PTPRA: variants seen among roughly 807,000 people sequenced by gnomAD.
PTPRA encodes protein tyrosine phosphatase receptor type A.
Under a neutral mutation model 104.8 loss-of-function variants are expected in PTPRA, and 25 were observed. The ratio of observed to expected loss-of-function variants is 0.24; its 90% CI spans 0.17 to 0.33. The LOEUF is 0.33. PTPRA is among the 10% of genes least tolerant of loss of function. The pLI is 1.00. For synonymous variants in PTPRA, 323 were observed against 368.9 expected (o/e 0.88, Z 1.43); for missense variants, 765 against 1,015.3 (o/e 0.75, Z 3.35).
At chr20:3,020,824 A>G (rs879459747) in intron 13 of PTPRA, among the ~76,000 whole-genome samples, 1 of 152,136 alleles carries the variant, frequency 6.6e-6, no homozygotes, top group East Asian at 1.9e-4. Flanking sequence ...CTCCAACCAA[A>G]CCTCTTGCTC....
chr20:3,037,027 G>T lies in PTPRA; in HGVS notation c.2199-127G>T. ...CCCGACCCAGAACCCCTCCAGGCTG[G>T]TGGGTCCACAGGGCAAAGGCGAGCA... On this transcript the variant is annotated intron_variant, in intron 22 of 23. Coordinates refer to ENST00000399903, the MANE Select transcript of PTPRA (RefSeq NM_001385305.1). This position sits in a 1 kb window ranked among gnomAD's most constrained non-coding sequence, Gnocchi z 4.3. 1.5e-6 allele frequency: 2 copies of T among 1,327,014 alleles called. No homozygotes were observed. The highest frequency in any genetic ancestry group is 2.1e-6 in the Non-Finnish European group (2 of 959,988). 82.2% of individuals were successfully genotyped at this position (1,327,014 alleles called of 1,614,324 possible).
intron 2 of PTPRA, among the ~76,000 whole-genome samples, chr20:2,935,785 C>T (rs917788824): frequency 6.6e-6 from 1 of 152,134 alleles, no homozygotes; most frequent in African/African-American, 2.4e-5. Flanking sequence ...GAGGCCTAGG[C>T]GGGTGGATCA....
At chr20:2,903,055 C>T (rs1188328421) in intron 1 of PTPRA, among the ~76,000 whole-genome samples, 1 of 152,066 alleles carries the variant, frequency 6.6e-6, no homozygotes, top group Non-Finnish European at 1.5e-5. Flanking sequence ...TTTGAGTGTT[C>T]CTAATCTGAA....
chr20:2,930,428 A>G (rs1409587060), intron 2 of PTPRA, among the ~76,000 whole-genome samples: 1 of 152,188 alleles, frequency 6.6e-6, no homozygotes, highest in African/African-American at 2.4e-5. Flanking sequence ...TGAGGTTGCA[A>G]ATGTAGTTTG....
chr20:2,865,366 C>T, the PTPRA span: 1 of 1,613,914 alleles, frequency 6.2e-7, no homozygotes, highest in African/African-American at 1.3e-5. This position sits in a 1 kb window ranked among gnomAD's most constrained non-coding sequence, Gnocchi z 5.2. Flanking sequence ...ACCTGCCTCT[C>T]CTGCAACACC....
rs575115633 is a variant in PTPRA at position 2,960,606 on chromosome 20, TC to T, written c.-6-3664del. ...CAGGCCTGAGTGCAGTGATGATCACTCCTCACTGAAGCGTCGACCTCCCAGG... is the reference window on the plus strand; with the variant it reads ...CAGGCCTGAGTGCAGTGATGATCACTCTCACTGAAGCGTCGACCTCCCAGG... On this transcript the variant is annotated intron_variant, in intron 3 of 23. Transcript: ENST00000399903. Among the ~76,000 whole-genome samples, 9 of 151,834 alleles carry T rather than the reference TC, an allele frequency of 5.9e-5. No homozygotes were observed. In the South Asian group the frequency reaches 1.9e-3, roughly 32 times the overall value.
intron 2 of PTPRA, among the ~76,000 whole-genome samples, chr20:2,941,730 G>A (rs2060929891): frequency 6.6e-6 from 1 of 152,128 alleles, no homozygotes; most frequent in African/African-American, 2.4e-5. Context: ...TTCAGACACG[G>A]TGGCTTCTTT....
Position 2,988,474 on chromosome 20 carries a change from C to T in PTPRA, c.738C>T (p.Asn246=), listed in dbSNP as rs567282541. Residue 246 remains asparagine, a splice_region_variant and synonymous_variant, in exon 9 of 24, where the codon AAC becomes AAT. Transcript: ENST00000399903. ...DDNKLFREEF[N]ALPACPIQAT... is the part of the protein sequence containing the mutation. ...ATAAGCTCTTCAGGGAGGAATTCAA[C>T]GTGAGTACTTTGTTGAGGCTGGTGT... 5.6e-6 allele frequency: 9 copies of T among 1,612,460 alleles called. No homozygotes were observed. In the South Asian group the frequency reaches 7.7e-5, roughly 14 times the overall value.
intron 14 of PTPRA, 110 bp downstream of exon 14, chr20:3,021,538 G>T: frequency 3.5e-6 from 5 of 1,425,318 alleles, no homozygotes; most frequent in Non-Finnish European, 4.8e-6. Context: ...TATGCAGTAT[G>T]TGAATTCTGA....
At chr20:3,026,286 G>A (rs573426839) in intron 17 of PTPRA, among the ~76,000 whole-genome samples, 1 of 152,190 alleles carries the variant, frequency 6.6e-6, no homozygotes, top group Admixed American at 6.5e-5. Flanking sequence ...TGGTGTATGG[G>A]CTACACTTTG....
chr20:2,885,641 T>C (rs1402007566), intron 1 of PTPRA, among the ~76,000 whole-genome samples: 1 of 152,152 alleles, frequency 6.6e-6, no homozygotes, highest in Non-Finnish European at 1.5e-5. Context: ...CTCTGATTAG[T>C]GTAGATCTGA....
intron 6 of PTPRA, among the ~76,000 whole-genome samples, chr20:2,986,352 T>C (rs550351329): frequency 6.6e-6 from 1 of 152,338 alleles, no homozygotes; most frequent in South Asian, 2.1e-4. Flanking sequence ...GTGTTGGCCC[T>C]GCATACCTAA....
intron 5 of PTPRA, among the ~76,000 whole-genome samples, chr20:2,969,341 G>C (rs1332043678): frequency 6.6e-6 from 1 of 151,612 alleles, no homozygotes; most frequent in East Asian, 2.0e-4. Flanking sequence ...TCTGCCTTCA[G>C]GGTTCAAACA....
intron 6 of PTPRA, 79 bp downstream of exon 6, chr20:2,975,320 G>A: frequency 7.8e-7 from 1 of 1,280,462 alleles, no homozygotes; most frequent in Non-Finnish European, 1.1e-6. Context: ...CACAGTCTGT[G>A]GTAACCGTGT....
At chr20:2,866,399 A>G in the PTPRA span, 1 of 1,614,084 alleles carries the variant, frequency 6.2e-7, no homozygotes, top group East Asian at 2.2e-5. Context: ...GAGCAGCCCC[A>G]ACACCACCTC....
rs374008438 is a variant in PTPRA at position 3,032,595 on chromosome 20, A to G, written c.1921-2990A>G. Among the ~76,000 whole-genome samples, 460 of 151,744 alleles carry G rather than the reference A, an allele frequency of 3.0e-3. 5 individuals carry two copies. The highest frequency in any genetic ancestry group is 6.1e-3 in the African/African-American group (251 of 41,364). On this transcript the variant is annotated intron_variant, in intron 20 of 23. Coordinates refer to ENST00000399903, the MANE Select transcript of PTPRA (RefSeq NM_001385305.1). ...AGCCTGGCCAACATGGCAAAACCCC[A>G]TCTCTACTAAAAATACAAAAATTAG...
At chr20:2,934,460 G>A (rs959187838) in intron 2 of PTPRA, among the ~76,000 whole-genome samples, 2 of 151,964 alleles carry the variant, frequency 1.3e-5, no homozygotes, top group African/African-American at 4.8e-5. Flanking sequence ...ATCTGTATCT[G>A]TACCATTGCC....
chr20:3,013,910 G>A (rs2064306390), intron 11 of PTPRA, among the ~76,000 whole-genome samples: 1 of 151,992 alleles, frequency 6.6e-6, no homozygotes, highest in Non-Finnish European at 1.5e-5. Context: ...AAGCAGTGCC[G>A]CCACATCACT....
chr20:2,923,402 C>A, intron 2 of PTPRA, 117 bp downstream of exon 2: 1 of 630,050 alleles, frequency 1.6e-6, no homozygotes, highest in Non-Finnish European at 2.3e-6. Flanking sequence ...GTAAGAGTAG[C>A]TTATTTTTTT....
Sources: allele counts gnomAD v4.1 joint callset (sites outside exome capture counted in the v4.1 genomes callset), GRCh38; gene constraint gnomAD v4.1.1; non-coding constraint Gnocchi (gnomAD v3.1); transcripts MANE v1.5; gene names NCBI Gene and HGNC (gene_info 2026-07-23, HGNC 2026-07-21).